Variants in MMP28 observed in about 807,000 individuals in gnomAD.
The protein encoded by MMP28 is matrix metallopeptidase 28, also known as matrix metalloproteinase-28.
MMP28 carries 55 observed loss-of-function variants against 60.5 expected under a neutral mutation model. The observed-to-expected ratio is 0.91, with a 90% CI of 0.73 to 1.14. MMP28 has a LOEUF of 1.14. Among genes scored for constraint, MMP28 ranks in the 50% most tolerant of loss-of-function variants. The probability of loss-of-function intolerance (pLI) is 0.00; values close to 1 mark genes in which losing one functional copy is unlikely to be tolerated. For synonymous variants in MMP28, 318 were observed against 312.5 expected (o/e 1.02, Z -0.18); for missense variants, 686 against 738.3 (o/e 0.93, Z 0.82).
intron 1 of MMP28, among the ~76,000 whole-genome samples, chr17:35,785,250 G>C (rs1327731336): frequency 2.0e-5 from 3 of 152,112 alleles, no homozygotes; most frequent in Non-Finnish European, 4.4e-5. Context: ...TTTCTGCGCA[G>C]GGCAGGACCA....
chr17:35,776,643 T>G (rs2086339801), intron 3 of MMP28, among the ~76,000 whole-genome samples: 1 of 151,972 alleles, frequency 6.6e-6, no homozygotes, highest in Non-Finnish European at 1.5e-5. Flanking sequence ...TCCCAGCACT[T>G]TGAGAGGCCG....
intron 2 of MMP28, among the ~76,000 whole-genome samples, chr17:35,757,015 T>C (rs1555600614): frequency 2.0e-5 from 3 of 151,718 alleles, no homozygotes; most frequent in South Asian, 4.2e-4. Context: ...CTGGGCAACA[T>C]GGTGAAATCC....
At chr17:35,794,020 C>A (rs1021114419) in intron 1 of MMP28, among the ~76,000 whole-genome samples, 3 of 151,856 alleles carry the variant, frequency 2.0e-5, no homozygotes, top group African/African-American at 7.3e-5. Flanking sequence ...ATCGCTTGAA[C>A]CCGGGAGGTA....
At chr17:35,761,866 T>G (rs1248681358), downstream of MMP28, among the ~76,000 whole-genome samples, 1 of 152,214 alleles carries the variant, frequency 6.6e-6, no homozygotes, top group Non-Finnish European at 1.5e-5. Context: ...TCTGGAACCC[T>G]TTTCTAGCTG....
At position 35,770,256 on chromosome 17, in the gene MMP28, C is replaced by T. The variant is rs757516159; in HGVS notation, c.661G>A (p.Asp221Asn). ...CGGCGGCTCAGGGACCAGCGCTCAT[C>T]TTGGTCGAAGTGCGCTTCGCCGCGG... ...PRRGEAHFDQ[D>N]ERWSLSRRRG... Residue 221 changes from aspartate (D) to asparagine (N), a missense_variant, in exon 5 of 8, where the codon GAT becomes AAT. Asp to Asn is a conservative substitution (Grantham distance 23, BLOSUM62 1). Coordinates refer to ENST00000605424, the MANE Select transcript of MMP28 (RefSeq NM_024302.5). 1.9e-6 allele frequency: 3 copies of T among 1,584,056 alleles called. No individual in the cohort carries two copies. In the Admixed American group the frequency reaches 5.2e-5, roughly 28 times the overall value.
chr17:35,795,501 T>G lies in MMP28; in HGVS notation c.-124A>C. On this transcript the variant is annotated 5_prime_UTR_variant, in exon 1 of 8. Coordinates refer to ENST00000605424, the MANE Select transcript of MMP28 (RefSeq NM_024302.5). ...GCGCCGCCCCCGCACGGAGAGGGAC[T>G]GTCCCGGGGTTTCGCCAGTGCCCTA... is the stretch of plus-strand genomic sequence containing the variant. 1 of 619,946 alleles carries G rather than the reference T, an allele frequency of 1.6e-6. No homozygotes were observed. The highest frequency in any genetic ancestry group is 4.2e-5 in the South Asian group (1 of 23,850). 38.4% of individuals were successfully genotyped at this position (619,946 alleles called of 1,614,324 possible).
chr17:35,782,889 C>T (rs1186259405), intron 1 of MMP28, among the ~76,000 whole-genome samples: 30 of 152,072 alleles, frequency 2.0e-4, no homozygotes, highest in Admixed American at 2.0e-3. Context: ...TGCAGTGGCG[C>T]CATCTCAGCT....
chr17:35,767,657 G>A, intron 7 of MMP28, 95 bp downstream of exon 7: 1 of 1,424,846 alleles, frequency 7.0e-7, no homozygotes, highest in African/African-American at 1.4e-5. Flanking sequence ...ATGGACTCGT[G>A]TGAGAGTCTT....
downstream of MMP28, chr17:35,764,567 C>T (rs1555602414): frequency 6.3e-7 from 1 of 1,595,492 alleles, no homozygotes; most frequent in Non-Finnish European, 8.5e-7. Flanking sequence ...TGGCGCACTG[C>T]GTTCTGGATC....
In MMP28 at chr17:35,779,299, G is replaced by A. The variant is rs1555608656; in HGVS notation, c.136C>T (p.Leu46Phe). Residue 46 changes from leucine to phenylalanine, a missense_variant, in exon 2 of 8, where the codon CTC becomes TTC. Transcript: ENST00000605424. ...GGAGCTTTGGGGACCTGTTCATTGA[G>A]GTATCCGTACTTCTCTAGGAATGCC... ...AEAFLEKYGY[L>F]NEQVPKAPTS... 2 of 1,613,112 alleles carry A rather than the reference G, an allele frequency of 1.2e-6. No individual in the cohort carries two copies. Among genetic ancestry groups the A allele is most frequent in the Admixed American group, 1.7e-5 (1 of 59,892 alleles).
At chr17:35,771,619 TAATAA>T (rs1199179064) in intron 4 of MMP28, among the ~76,000 whole-genome samples, 1 of 144,666 alleles carries the variant, frequency 6.9e-6, no homozygotes, top group Non-Finnish European at 1.5e-5. Flanking sequence ...GTATTTTATT[TAATAA>T]AAAGTATAAT....
intron 2 of MMP28, among the ~76,000 whole-genome samples, chr17:35,760,029 C>T (rs587629110): frequency 4.6e-5 from 7 of 152,262 alleles, no homozygotes; most frequent in Non-Finnish European, 1.0e-4. Context: ...TCCTGGGGGC[C>T]AGGTCTGCTC....
intron 1 of MMP28, among the ~76,000 whole-genome samples, chr17:35,787,006 A>G (rs2086671336): frequency 6.6e-6 from 1 of 152,020 alleles, no homozygotes; most frequent in Admixed American, 6.6e-5. Flanking sequence ...AGGATGTTTT[A>G]TTTTACATTT....
At chr17:35,787,996 C>T (rs1189669501) in intron 1 of MMP28, among the ~76,000 whole-genome samples, 4 of 146,480 alleles carry the variant, frequency 2.7e-5, no homozygotes, top group Non-Finnish European at 5.9e-5. Context: ...ACCTTGACTT[C>T]CTGGGCTCAA....
rs368769155 is a variant in MMP28, at chr17:35,773,239, C to T, written c.545G>A (p.Arg182Gln). The change falls in exon 4 of 8, where the codon CGG (arginine) becomes CAG (glutamine). Residue 182 changes from arginine to glutamine, a missense_variant. Arg to Gln is a conservative substitution (Grantham distance 43). Coordinates refer to ENST00000605424, the MANE Select transcript of MMP28 (RefSeq NM_024302.5). ...GTGGTCCCCTTGGAAGAAGGTGAGC[C>T]GGATGTCAGCGGGGCCTGTGGCTGG... is the stretch of plus-strand genomic sequence containing the variant. ...EAPATGPADI[R>Q]LTFFQGDHND... 3.1e-4 allele frequency: 501 copies of T among 1,613,912 alleles called. No homozygotes were observed. The highest frequency in any genetic ancestry group is 4.0e-4 in the Non-Finnish European group (467 of 1,179,894).
chr17:35,778,555 ATG>A, intron 3 of MMP28: 1 of 418,692 alleles, frequency 2.4e-6, no homozygotes, highest in Non-Finnish European at 4.3e-6. Flanking sequence ...ATGAATTCTG[ATG>A]AAAATAACTT....
At chr17:35,759,359 C>T (rs2085775945) in intron 2 of MMP28, among the ~76,000 whole-genome samples, 1 of 152,122 alleles carries the variant, frequency 6.6e-6, no homozygotes, top group African/African-American at 2.4e-5. Flanking sequence ...AGACGTAGTG[C>T]CTCCTTTCTG....
intron 1 of MMP28, among the ~76,000 whole-genome samples, chr17:35,785,406 C>CCT (rs2143532846): frequency 6.6e-6 from 1 of 152,144 alleles, no homozygotes; most frequent in African/African-American, 2.4e-5. Context: ...AAGTCCTGTG[C>CCT]CTCTCTGAGC....
chr17:35,774,639 G>C (rs868420610), intron 3 of MMP28, among the ~76,000 whole-genome samples: 2 of 152,202 alleles, frequency 1.3e-5, no homozygotes, highest in African/African-American at 2.4e-5. Context: ...CAATGCAAGT[G>C]GGGGAGGGGT....
Sources: allele counts gnomAD v4.1 joint callset (sites outside exome capture counted in the v4.1 genomes callset), GRCh38; gene constraint gnomAD v4.1.1; transcripts MANE v1.5; gene names NCBI Gene and HGNC (gene_info 2026-07-23, HGNC 2026-07-21).